The following DOCK8 variants were observed in gnomAD, a reference collection of about 807,000 sequenced individuals.
DOCK8 encodes dedicator of cytokinesis 8, also known as dedicator of cytokinesis protein 8.
In DOCK8, 141 loss-of-function variants were observed where a neutral mutation model predicts 245.6. The observed-to-expected ratio is 0.57, with a 90% CI of 0.50 to 0.66. The LOEUF (loss-of-function observed/expected upper bound fraction) is 0.66, where lower values mean the gene tolerates loss of function less well. Ranked by LOEUF, DOCK8 falls within the 30% of genes least tolerant of loss-of-function variation. The pLI, the probability that DOCK8 is intolerant of heterozygous loss-of-function variation, is 0.00. For missense variants in DOCK8, 2,965 were observed against 2,603.4 expected, an observed-to-expected ratio of 1.14 and a Z score of -3.02; for synonymous variants, 1,168 against 970.2, an observed-to-expected ratio of 1.20 and a Z score of -3.79.
intron 42 of DOCK8, among the ~76,000 whole-genome samples, chr9:442,258 T>C (rs182999908): frequency 1.5e-3 from 234 of 152,374 alleles, no homozygotes; most frequent in Non-Finnish European, 2.3e-3. Context: ...TTTTATATGG[T>C]GAATATTTAT....
intron 14 of DOCK8, among the ~76,000 whole-genome samples, chr9:349,794 A>G (rs1212985812): frequency 6.6e-6 from 1 of 152,228 alleles, no homozygotes. Context: ...ACAAATGTAC[A>G]CAATAGTCTC....
intron 29 of DOCK8, among the ~76,000 whole-genome samples, chr9:415,913 T>C (rs1177137602): frequency 6.6e-6 from 1 of 152,208 alleles, no homozygotes; most frequent in African/African-American, 2.4e-5. Context: ...GTGTCATGTG[T>C]GACTAAATTG....
At chr9:342,983 C>G (rs1411182276) in intron 14 of DOCK8, among the ~76,000 whole-genome samples, 1 of 152,142 alleles carries the variant, frequency 6.6e-6, no homozygotes, top group African/African-American at 2.4e-5. Context: ...ATACACATTT[C>G]AGTCTTAAGT....
In DOCK8 at chr9:464,677, A is replaced by C; in HGVS notation, c.*458A>C. On this transcript the variant is annotated 3_prime_UTR_variant, in exon 48 of 48. Coordinates refer to ENST00000432829, the MANE Select transcript of DOCK8 (RefSeq NM_203447.4). ...TAGGAAGGCAGGGCAAACTTGTAGG[A>C]GTACGAAACATTTTCAATAAATCTA... 1 of 192,284 alleles carries C rather than the reference A, an allele frequency of 5.2e-6. No homozygotes were observed. Among genetic ancestry groups the C allele is most frequent in the Admixed American group, 5.3e-5 (1 of 18,894 alleles). The allele number at this position is 192,284 out of a possible 1,614,324, so 11.9% of individuals were successfully genotyped here. A position where few individuals can be genotyped will look rare whatever the true frequency, so the allele number is the denominator to read the frequency against.
chr9:243,666 C>T (rs2047431636), intron 1 of DOCK8, among the ~76,000 whole-genome samples: 1 of 151,026 alleles, frequency 6.6e-6, no homozygotes, highest in African/African-American at 2.5e-5. Context: ...TTCCCTTCTT[C>T]CCTACCTTTC....
At chr9:302,701 C>T (rs1002527368) in intron 4 of DOCK8, among the ~76,000 whole-genome samples, 1 of 152,154 alleles carries the variant, frequency 6.6e-6, no homozygotes, top group Non-Finnish European at 1.5e-5. Context: ...TGAACAGATA[C>T]TTCTCAAAAG....
In DOCK8 at chr9:372,271, C is replaced by T; in HGVS notation, c.2094C>T (p.Ser698=). ...TGGAAAAATTGCCACCCAACTACTCCATGCATTCTGCTGAGGTAATTGGCA... is the reference window on the plus strand; with the variant it reads ...TGGAAAAATTGCCACCCAACTACTCTATGCATTCTGCTGAGGTAATTGGCA... ...VALEKLPPNY[S]MHSAEKVPLQ... Residue 698 remains serine (S), a synonymous_variant, in exon 18 of 48, where the codon TCC becomes TCT. Coordinates refer to ENST00000432829, the MANE Select transcript of DOCK8 (RefSeq NM_203447.4). The T allele has an allele frequency of 6.2e-7, 1 of 1,613,916 alleles. No individual in the cohort carries two copies. Among genetic ancestry groups the T allele is most frequent in the Non-Finnish European group, 8.5e-7 (1 of 1,179,858 alleles).
chr9:241,614 C>T (rs907943623), intron 1 of DOCK8, among the ~76,000 whole-genome samples: 1 of 152,090 alleles, frequency 6.6e-6, no homozygotes, highest in African/African-American at 2.4e-5. Context: ...TTTTCTTTAT[C>T]CATTCATTTA....
rs772645098 is a variant in DOCK8 at position 418,135 on chromosome 9, C to G, written c.3768C>G (p.Asn1256Lys). 4.3e-6 allele frequency: 7 copies of G among 1,614,076 alleles called. No homozygotes were observed. Among genetic ancestry groups the G allele is most frequent in the Non-Finnish European group, 5.9e-6 (7 of 1,180,042 alleles). The stretch of plus-strand genomic sequence containing the variant: ...AACAAGAAGGAGCCGGTGCCATTAA[C>G]CAGAATGTGGCTCTGGCCATAGCAG... ...DEEQEGAGAI[N>K]QNVALAIAGN... The change falls in exon 30 of 48, where the codon AAC (asparagine) becomes AAG (lysine). Residue 1256 changes from asparagine to lysine, a missense_variant. By Grantham distance (94) the Asn-to-Lys change is moderately conservative. Transcript: ENST00000432829.
At chr9:262,031 G>GAAAGAAAGAAAGAAAGAAAGAA (rs149265145) in intron 1 of DOCK8, among the ~76,000 whole-genome samples, 279 of 146,330 alleles carry the variant, frequency 1.9e-3, no homozygotes, top group Admixed American at 3.7e-3. Context: ...AAGAAAGAAA[G>GAAAGAAAGAAAGAAAGAAAGAA]AAAGACACCG....
At chr9:419,256 G>A (rs1449449870) in intron 30 of DOCK8, among the ~76,000 whole-genome samples, 1 of 152,174 alleles carries the variant, frequency 6.6e-6, no homozygotes, top group African/African-American at 2.4e-5. Context: ...CTTCCTTCCT[G>A]CACTTAGCAA....
chr9:358,184 A>C (rs958292040), intron 14 of DOCK8, among the ~76,000 whole-genome samples: 3 of 152,124 alleles, frequency 2.0e-5, no homozygotes, highest in Non-Finnish European at 4.4e-5. Flanking sequence ...TCCTGGACTC[A>C]AGTGATCTTC....
chr9:259,900 C>T (rs2047875728), intron 1 of DOCK8, among the ~76,000 whole-genome samples: 2 of 152,140 alleles, frequency 1.3e-5, no homozygotes, highest in Admixed American at 1.3e-4. Context: ...TGTGTGAAAG[C>T]CAAAACAAAG....
intron 39 of DOCK8, among the ~76,000 whole-genome samples, chr9:437,344 G>T (rs1057066385): frequency 1.3e-5 from 2 of 152,136 alleles, no homozygotes; most frequent in African/African-American, 4.8e-5. Context: ...ACATCTCTAG[G>T]TTCAAGTCTA....
intron 14 of DOCK8, among the ~76,000 whole-genome samples, chr9:347,343 C>T (rs1011907714): frequency 1.1e-4 from 17 of 151,988 alleles, no homozygotes; most frequent in African/African-American, 4.1e-4. Context: ...GTCTCTACAA[C>T]AACAACAAAA....
At chr9:426,355 C>T (rs1270977825) in intron 33 of DOCK8, among the ~76,000 whole-genome samples, 2 of 152,176 alleles carry the variant, frequency 1.3e-5, no homozygotes, top group Non-Finnish European at 2.9e-5. Flanking sequence ...GGCTGAGCAA[C>T]CTCAAGGTGA....
intron 2 of DOCK8, chr9:273,197 T>G (rs2048214138): frequency 1.1e-6 from 1 of 873,552 alleles, no homozygotes; most frequent in African/African-American, 1.8e-5. Context: ...ATAGCATCTT[T>G]TACTGCAGGA....
chr9:403,966 A>ATATG (rs2055283833), intron 26 of DOCK8, among the ~76,000 whole-genome samples: 1 of 72,736 alleles, frequency 1.4e-5, no homozygotes, highest in African/African-American at 1.0e-4. Context: ...ATATGTATAT[A>ATATG]TATATATATG....
chr9:349,078 T>G (rs936616393), intron 14 of DOCK8, among the ~76,000 whole-genome samples: 1 of 152,164 alleles, frequency 6.6e-6, no homozygotes, highest in Non-Finnish European at 1.5e-5. Context: ...AGGCAAAATA[T>G]GAGATGCTGT....
Sources: gnomAD v4.1 joint callset for allele counts (sites outside exome capture counted in the v4.1 genomes callset) on GRCh38, gnomAD v4.1.1 for gene constraint, MANE v1.5 for transcripts, NCBI Gene and HGNC (gene_info 2026-07-23, HGNC 2026-07-21) for gene names.